LASP1: variants seen among roughly 807,000 people sequenced by gnomAD.
LASP1 encodes the protein LIM and SH3 protein 1.
In LASP1, 10 loss-of-function variants were observed where a neutral mutation model predicts 38.6. That is an observed-to-expected ratio of 0.26 (90% CI 0.16 to 0.44). LASP1 has a LOEUF of 0.44. LASP1 is among the 20% of genes least tolerant of loss of function. The probability of loss-of-function intolerance (pLI) is 1.00; values close to 1 mark genes in which losing one functional copy is unlikely to be tolerated. For synonymous variants in LASP1, 132 were observed against 140.8 expected (o/e 0.94, Z 0.44); for missense variants, 243 against 375.7 (o/e 0.65, Z 2.92).
intron 4 of LASP1, among the ~76,000 whole-genome samples, 161 bp from the exon 5 acceptor site, chr17:38,914,164 G>T (rs1248114818): frequency 6.6e-6 from 1 of 152,136 alleles, no homozygotes; most frequent in Non-Finnish European, 1.5e-5. Flanking sequence ...AGATTAGGTA[G>T]CTTGTCCAAG....
chr17:38,890,823 G>A (rs1257189029), intron 3 of LASP1, among the ~76,000 whole-genome samples: 1 of 152,162 alleles, frequency 6.6e-6, no homozygotes, highest in East Asian at 1.9e-4. Context: ...CACCCACAAA[G>A]GAGGGGTTTG....
chr17:38,878,785 C>T (rs1913856145), intron 2 of LASP1, among the ~76,000 whole-genome samples: 2 of 152,094 alleles, frequency 1.3e-5, no homozygotes, highest in Admixed American at 6.6e-5. Flanking sequence ...GTTGCCTGGG[C>T]CAGATAGATC....
chr17:38,917,378 T>G (rs1376423227), intron 6 of LASP1, among the ~76,000 whole-genome samples: 1 of 152,166 alleles, frequency 6.6e-6, no homozygotes, highest in Admixed American at 6.5e-5. Context: ...ATGTTGTCTA[T>G]AGCTATAGGA....
At chr17:38,881,008 CAGG>C (rs1489193403) in intron 2 of LASP1, among the ~76,000 whole-genome samples, 3 of 152,142 alleles carry the variant, frequency 2.0e-5, no homozygotes, top group Non-Finnish European at 2.9e-5. Context: ...GAGGCTGAGG[CAGG>C]AGAATTGCTT....
rs1915305568 is a variant in LASP1 at position 38,921,689 on chromosome 17, T to A, written c.*2911T>A. On this transcript the variant is annotated 3_prime_UTR_variant, in exon 7 of 7. Coordinates refer to ENST00000318008, the MANE Select transcript of LASP1 (RefSeq NM_006148.4). ...TCGGGATCAAACCTTTCTGGCCTGT[T>A]ATGATTCTGAACATTTGACTTGAAC... 1 of 230,932 alleles carries A rather than the reference T, an allele frequency of 4.3e-6. No individual in the cohort carries two copies. Among genetic ancestry groups the A allele is most frequent in the Admixed American group, 5.7e-5 (1 of 17,682 alleles). 14.3% of individuals were successfully genotyped at this position (230,932 alleles called of 1,614,324 possible). A position where few individuals can be genotyped will look rare whatever the true frequency, so the allele number is the denominator to read the frequency against.
At chr17:38,890,743 C>A (rs1002910796) in intron 3 of LASP1, among the ~76,000 whole-genome samples, 1 of 152,046 alleles carries the variant, frequency 6.6e-6, no homozygotes, top group African/African-American at 2.4e-5. Flanking sequence ...TATTTGAGCC[C>A]GCTCTGGGGC....
intron 6 of LASP1, among the ~76,000 whole-genome samples, chr17:38,917,660 A>T (rs1598124601): frequency 6.6e-6 from 1 of 152,088 alleles, no homozygotes; most frequent in East Asian, 1.9e-4. Flanking sequence ...TACAAATAAT[A>T]GCATACAGGG....
intron 2 of LASP1, among the ~76,000 whole-genome samples, chr17:38,887,533 G>T (rs1026156586): frequency 6.6e-6 from 1 of 152,238 alleles, no homozygotes; most frequent in Non-Finnish European, 1.5e-5. Flanking sequence ...GGCCACGTCT[G>T]TTGCCAGCTG....
At chr17:38,906,513 A>G (rs949604177) in intron 4 of LASP1, among the ~76,000 whole-genome samples, 3 of 151,906 alleles carry the variant, frequency 2.0e-5, no homozygotes, top group South Asian at 4.1e-4. Flanking sequence ...TGGGCGACAG[A>G]GCAAGACTGT....
chr17:38,881,077 A>G (rs1913934896), intron 2 of LASP1, among the ~76,000 whole-genome samples: 1 of 151,962 alleles, frequency 6.6e-6, no homozygotes, highest in South Asian at 2.1e-4. Flanking sequence ...CTTCAGTCTG[A>G]GCGACAGAGC....
At chr17:38,875,413 G>T (rs576695576) in intron 1 of LASP1, among the ~76,000 whole-genome samples, 1 of 152,016 alleles carries the variant, frequency 6.6e-6, no homozygotes, top group African/African-American at 2.4e-5. Context: ...TTAGTGTCCC[G>T]GTGGGTTCTG....
chr17:38,879,718 C>G (rs548357301), intron 2 of LASP1, among the ~76,000 whole-genome samples: 84 of 152,160 alleles, frequency 5.5e-4, no homozygotes, highest in Admixed American at 1.2e-3. Flanking sequence ...TTCCTTACCC[C>G]CTCCCGTTCC....
At chr17:38,902,338 G>T (rs1425195656) in intron 4 of LASP1, among the ~76,000 whole-genome samples, 1 of 149,800 alleles carries the variant, frequency 6.7e-6, no homozygotes, top group Non-Finnish European at 1.5e-5. Context: ...TGGGATTATA[G>T]GGGTGAGCCA....
intron 3 of LASP1, among the ~76,000 whole-genome samples, chr17:38,892,375 G>A (rs1360772825): frequency 6.6e-6 from 1 of 152,166 alleles, no homozygotes; most frequent in African/African-American, 2.4e-5. Flanking sequence ...AGAAGCTGAA[G>A]TTACTAGGAA....
chr17:38,880,705 G>A (rs187148438), intron 2 of LASP1, among the ~76,000 whole-genome samples: 93 of 152,308 alleles, frequency 6.1e-4, no homozygotes, highest in Non-Finnish European at 7.1e-4. Flanking sequence ...CATCCACTGG[G>A]CCAAGAAGTT....
At chr17:38,910,379 T>A (rs987807127) in intron 4 of LASP1, among the ~76,000 whole-genome samples, 3 of 152,216 alleles carry the variant, frequency 2.0e-5, no homozygotes, top group African/African-American at 4.8e-5. Context: ...AAACTTTATT[T>A]CTGGAGGCTG....
intron 4 of LASP1, among the ~76,000 whole-genome samples, chr17:38,905,530 CAAAAAA>C (rs35515925): frequency 1.1e-5 from 1 of 93,128 alleles, no homozygotes. Context: ...GACTCCATCT[CAAAAAA>C]AAAAAAAAAA....
chr17:38,884,139 C>T (rs886471918), intron 2 of LASP1, among the ~76,000 whole-genome samples: 4 of 151,790 alleles, frequency 2.6e-5, no homozygotes, highest in African/African-American at 7.3e-5. Flanking sequence ...CTGGAACGGG[C>T]GAGGCTCTGT....
chr17:38,900,989 C>T, intron 4 of LASP1, among the ~76,000 whole-genome samples: 1 of 152,200 alleles, frequency 6.6e-6, no homozygotes, highest in Non-Finnish European at 1.5e-5. Flanking sequence ...GGAAGATGGT[C>T]TTAGATTATG....
Sources: gnomAD v4.1 joint callset for allele counts (sites outside exome capture counted in the v4.1 genomes callset) on GRCh38, gnomAD v4.1.1 for gene constraint, MANE v1.5 for transcripts, NCBI Gene and HGNC (gene_info 2026-07-23, HGNC 2026-07-21) for gene names.